Variants in COMMD1 observed in about 807,000 individuals in gnomAD.
The protein encoded by COMMD1 is copper metabolism domain containing 1, also known as COMM domain-containing protein 1.
A neutral mutation model predicts 17.2 loss-of-function variants in COMMD1; 10 were observed. That is an observed-to-expected ratio of 0.58 (90% CI 0.36 to 0.99). COMMD1 has a LOEUF of 0.99. COMMD1 is among the 50% of genes least tolerant of loss of function. The pLI is 0.01. For synonymous variants in COMMD1, 97 were observed against 91.6 expected, an observed-to-expected ratio of 1.06 and a Z score of -0.34; for missense variants, 270 against 231.8, an observed-to-expected ratio of 1.17 and a Z score of -1.07.
Position 62,023,467 on chromosome 2 carries a change from T to C in COMMD1, c.462+22485T>C, listed in dbSNP as rs528398468. Among the ~76,000 whole-genome samples the C allele has an allele frequency of 3.3e-5, 5 of 152,034 alleles. No homozygotes were observed. In the East Asian group the frequency reaches 9.6e-4, roughly 29 times the overall value. ...ACCCAAGATTCTACAAATATTTATA[T>C]ATGCAAATATTTACTGTGGATTTTT... On this transcript the variant is annotated intron_variant, in intron 2 of 2. Coordinates refer to ENST00000311832, the MANE Select transcript of COMMD1 (RefSeq NM_152516.4).
chr2:61,940,499 G>C (rs1670715250), intron 1 of COMMD1, among the ~76,000 whole-genome samples: 1 of 152,114 alleles, frequency 6.6e-6, no homozygotes, highest in African/African-American at 2.4e-5. Context: ...AAAGGGTTTG[G>C]GTTCCCAGCA....
chr2:61,965,384 G>T (rs1246049112), intron 1 of COMMD1, among the ~76,000 whole-genome samples: 1 of 152,190 alleles, frequency 6.6e-6, no homozygotes, highest in Non-Finnish European at 1.5e-5. Flanking sequence ...TTAACAGTGT[G>T]ATCTGTCTGC....
intron 2 of COMMD1, among the ~76,000 whole-genome samples, chr2:62,036,012 C>T (rs558356463): frequency 6.6e-6 from 1 of 151,872 alleles, no homozygotes; most frequent in East Asian, 1.9e-4. Flanking sequence ...CAAGATTACT[C>T]CATTGTACTC....
intron 2 of COMMD1, among the ~76,000 whole-genome samples, chr2:62,027,943 G>T (rs543953545): frequency 1.3e-5 from 2 of 152,068 alleles, no homozygotes; most frequent in African/African-American, 4.8e-5. Context: ...ATAAGCCACC[G>T]TGCCTGGCCT....
chr2:62,062,975 T>C (rs974172207), intron 2 of COMMD1, among the ~76,000 whole-genome samples: 57 of 151,938 alleles, frequency 3.8e-4, no homozygotes, highest in African/African-American at 1.4e-3. Flanking sequence ...TCCTAGCACT[T>C]TGGGAGGCCG....
chr2:62,028,856 G>A lies in COMMD1; in HGVS notation c.462+27874G>A, dbSNP rs138465671. ...AGTTATTTAAGTTCATTTTTATTGT[G>A]AGAGTACTGATGTCCTAAAAACTGC... On this transcript the variant is annotated intron_variant, in intron 2 of 2. Coordinates refer to ENST00000311832, the MANE Select transcript of COMMD1 (RefSeq NM_152516.4). Among the ~76,000 whole-genome samples, 253 of 152,204 alleles carry A rather than the reference G, an allele frequency of 1.7e-3. 1 individual carries two copies. The highest frequency in any genetic ancestry group is 3.4e-3 in the Middle Eastern group (1 of 294).
At chr2:62,018,879 A>G (rs984994693) in intron 2 of COMMD1, among the ~76,000 whole-genome samples, 64 of 152,164 alleles carry the variant, frequency 4.2e-4, no homozygotes, top group African/African-American at 1.4e-3. Context: ...AGGTGCTAGT[A>G]GGTTTTGTGT....
At chr2:62,099,218 A>G (rs1045805659) in intron 2 of COMMD1, among the ~76,000 whole-genome samples, 1 of 152,160 alleles carries the variant, frequency 6.6e-6, no homozygotes, top group African/African-American at 2.4e-5. Flanking sequence ...TCCTGATTTT[A>G]GAAGTGGCGA....
At chr2:61,955,771 C>T (rs1370556356) in intron 1 of COMMD1, among the ~76,000 whole-genome samples, 4 of 152,180 alleles carry the variant, frequency 2.6e-5, no homozygotes, top group East Asian at 3.9e-4. Context: ...CTGCAACCTC[C>T]GCCTCCTGGG....
chr2:61,989,710 C>G (rs141755281), intron 1 of COMMD1, among the ~76,000 whole-genome samples: 19 of 152,182 alleles, frequency 1.2e-4, no homozygotes, highest in Admixed American at 1.2e-3. Flanking sequence ...GTGATCCGCC[C>G]ACGTCGGCCT....
At chr2:61,916,038 A>T (rs1670042470) in intron 1 of COMMD1, among the ~76,000 whole-genome samples, 1 of 151,892 alleles carries the variant, frequency 6.6e-6, no homozygotes, top group Non-Finnish European at 1.5e-5. Flanking sequence ...TGGTGTGCAC[A>T]TGGTTTACTG....
At chr2:61,909,005 C>A (rs554777257) in intron 1 of COMMD1, among the ~76,000 whole-genome samples, 1 of 152,000 alleles carries the variant, frequency 6.6e-6, no homozygotes, top group Non-Finnish European at 1.5e-5. Flanking sequence ...CTCGGCTCTC[C>A]GCAACCTCTG....
intron 1 of COMMD1, among the ~76,000 whole-genome samples, chr2:61,995,556 A>T (rs993433801): frequency 6.6e-6 from 1 of 152,244 alleles, no homozygotes; most frequent in African/African-American, 2.4e-5. Flanking sequence ...CAACTGAAGC[A>T]TTGTAGCTAC....
At chr2:61,920,407 A>G (rs1460007986) in intron 1 of COMMD1, among the ~76,000 whole-genome samples, 1 of 152,096 alleles carries the variant, frequency 6.6e-6, no homozygotes, top group Non-Finnish European at 1.5e-5. Context: ...GAAAGAAAGA[A>G]CATACTTTTT....
At chr2:62,082,459 G>A (rs944817858) in intron 2 of COMMD1, among the ~76,000 whole-genome samples, 2 of 152,166 alleles carry the variant, frequency 1.3e-5, no homozygotes, top group Non-Finnish European at 2.9e-5. Context: ...CTTAGATGAC[G>A]CACCCCATGG....
At chr2:61,906,159 C>G (rs1374616959) in intron 1 of COMMD1, among the ~76,000 whole-genome samples, 1 of 152,222 alleles carries the variant, frequency 6.6e-6, no homozygotes, top group Admixed American at 6.5e-5. Flanking sequence ...CTCAGCAGAT[C>G]TGTGGGATCT....
At chr2:61,955,933 C>T (rs979091325) in intron 1 of COMMD1, among the ~76,000 whole-genome samples, 17 of 152,276 alleles carry the variant, frequency 1.1e-4, no homozygotes, top group East Asian at 3.9e-4. Flanking sequence ...GTGATCTGCC[C>T]GCCTTGGCCT....
intron 1 of COMMD1, among the ~76,000 whole-genome samples, chr2:61,987,722 A>G (rs770294151): frequency 6.6e-6 from 1 of 152,124 alleles, no homozygotes; most frequent in African/African-American, 2.4e-5. Flanking sequence ...CAATCAGCAG[A>G]TGGTGAAGCC....
At chr2:62,105,312 A>G (rs1420410918) in intron 2 of COMMD1, among the ~76,000 whole-genome samples, 2 of 151,988 alleles carry the variant, frequency 1.3e-5, no homozygotes, top group East Asian at 1.9e-4. Flanking sequence ...CCTTGCCTAT[A>G]CTAATTTTGT....
Sources: gnomAD v4.1 joint callset for allele counts (sites outside exome capture counted in the v4.1 genomes callset) on GRCh38, gnomAD v4.1.1 for gene constraint, MANE v1.5 for transcripts, NCBI Gene and HGNC (gene_info 2026-07-23, HGNC 2026-07-21) for gene names.